Variants in TBX6 observed in about 807,000 individuals in gnomAD.
TBX6 encodes T-box transcription factor TBX6.
In TBX6, 29 loss-of-function variants were observed where a neutral mutation model predicts 42.3. The ratio of observed to expected loss-of-function variants is 0.69; its 90% CI spans 0.51 to 0.93. The LOEUF is 0.93. Ranked by LOEUF, TBX6 falls within the 40% of genes least tolerant of loss-of-function variation. The pLI, the probability that TBX6 is intolerant of heterozygous loss-of-function variation, is 0.00. For synonymous variants in TBX6, 249 were observed against 245.1 expected (o/e 1.02, Z -0.15); for missense variants, 569 against 603.3 (o/e 0.94, Z 0.59).
In TBX6 at chr16:30,091,077, G is replaced by A; in HGVS notation, c.117C>T (p.Pro39=). ...CCAGGAGCTGGTCCCAACGCTCACC[G>A]GGGTAGCGGTAGCCCTCCGCTAGGG... ...PPALAEGYRY[P]ELDTPKLDCF... is the part of the protein sequence containing the mutation. The change falls in exon 2 of 9, where the codon CCC becomes CCT. Residue 39 remains proline (P), a splice_region_variant and synonymous_variant. Coordinates refer to ENST00000395224, the MANE Select transcript of TBX6 (RefSeq NM_004608.4). 1.3e-6 allele frequency: 2 copies of A among 1,584,422 alleles called. No individual in the cohort carries two copies. The highest frequency in any genetic ancestry group is 1.7e-6 in the Non-Finnish European group (2 of 1,165,616).
At position 30,085,924 on chromosome 16, in the gene TBX6, C is replaced by T. The variant is rs1030550597; in HGVS notation, c.*301G>A. 3 of 409,472 alleles carry T rather than the reference C, an allele frequency of 7.3e-6. No homozygotes were observed. The highest frequency in any genetic ancestry group is 6.4e-5 in the African/African-American group (3 of 47,004). 25.4% of individuals were successfully genotyped at this position (409,472 alleles called of 1,614,324 possible). ...AGCCCCTCCAGAGCCCATGGGGAGGCCTGGTAAGTGGGGATGCTGGTCTGT... is the reference window on the plus strand; with the variant it reads ...AGCCCCTCCAGAGCCCATGGGGAGGTCTGGTAAGTGGGGATGCTGGTCTGT... On this transcript the variant is annotated 3_prime_UTR_variant, in exon 9 of 9. Coordinates refer to ENST00000395224, the MANE Select transcript of TBX6 (RefSeq NM_004608.4).
intron 6 of TBX6, among the ~76,000 whole-genome samples, chr16:30,087,651 CTGACTCTTAG>C (rs1030043262): frequency 1.3e-5 from 2 of 152,176 alleles, no homozygotes; most frequent in Non-Finnish European, 2.9e-5. Context: ...CCTCCCCTGC[CTGACTCTTAG>C]TCACTCCACT....
In TBX6 at chr16:30,090,773, A is replaced by G. The variant is rs1171008365; in HGVS notation, c.338T>C (p.Ile113Thr). Reference sequence around the variant, plus strand: ...AGCCCCTCACCTCCCAGCTTTGGTGATGATCATTTCTGTTCCCACAGAGCT... The same window carrying G: ...AGCCCCTCACCTCCCAGCTTTGGTGGTGATCATTTCTGTTCCCACAGAGCT... Reference protein sequence around the residue: ...EFSSVGTEMIITKAGRRMFPA... With the variant: ...EFSSVGTEMITTKAGRRMFPA... The change falls in exon 3 of 9, where the codon ATC (isoleucine) becomes ACC (threonine). Residue 113 changes from isoleucine (I) to threonine (T), a missense_variant. Physicochemically the swap from Ile to Thr is moderately conservative, Grantham distance 89. This residue lies in a region of TBX6 where 190 missense variants were observed against 250.6 expected (regional missense o/e 0.76). Transcript: ENST00000395224. The G allele has an allele frequency of 1.2e-6, 2 of 1,609,098 alleles. No homozygotes were observed. The highest frequency in any genetic ancestry group is 2.7e-5 in the African/African-American group (2 of 74,760).
intron 3 of TBX6, among the ~76,000 whole-genome samples, chr16:30,090,533 T>G (rs2072704816): frequency 6.6e-6 from 1 of 151,944 alleles, no homozygotes; most frequent in African/African-American, 2.4e-5. Context: ...CATAGATTGG[T>G]CCCTAAACTC....
intron 1 of TBX6, 164 bp downstream of exon 1, chr16:30,091,709 G>A (rs1198220689): frequency 6.1e-6 from 1 of 162,826 alleles, no homozygotes; most frequent in Non-Finnish European, 1.4e-5. Context: ...AGCGTGAACA[G>A]AGGGAAAGTG....
chr16:30,088,841 TGGGA>T lies in TBX6; in HGVS notation c.622-6_622-3del, dbSNP rs1567341561. The T allele has an allele frequency of 1.9e-6, 3 of 1,613,418 alleles. No individual in the cohort carries two copies. The Admixed American group carries it at 5.0e-5, about 27-fold the overall frequency. On this transcript the variant is annotated splice_region_variant and splice_polypyrimidine_tract_variant and intron_variant, in intron 4 of 8. Coordinates refer to ENST00000395224, the MANE Select transcript of TBX6 (RefSeq NM_004608.4). The surrounding 1 kb of genome is among the most constrained non-coding windows in gnomAD (Gnocchi z 4.1). ...CTTGTGCATGGAGTGCAGGATCAGC[TGGGA>T]GGGAGGAAATGGGAGTGATTCCCTG...
At position 30,085,957 on chromosome 16, in the gene TBX6, T is replaced by G; in HGVS notation, c.*268A>C. On this transcript the variant is annotated 3_prime_UTR_variant, in exon 9 of 9. Transcript: ENST00000395224. The stretch of plus-strand genomic sequence containing the variant: ...GTGGGGATGCTGGTCTGTGGCCCCA[T>G]TTGGCCAGGCAGAGCCCCTTCCATT... 2.2e-6 allele frequency: 1 copy of G among 464,768 alleles called. No homozygotes were observed. Among genetic ancestry groups the G allele is most frequent in the Non-Finnish European group, 3.8e-6 (1 of 262,094 alleles). 28.8% of individuals were successfully genotyped at this position (464,768 alleles called of 1,614,324 possible).
At position 30,091,069 on chromosome 16, in the gene TBX6, C is replaced by T. The variant is rs1340052836; in HGVS notation, c.118+7G>A. 5 of 1,585,278 alleles carry T rather than the reference C, an allele frequency of 3.2e-6. No individual in the cohort carries two copies. In the African/African-American group the frequency reaches 4.0e-5, roughly 13 times the overall value. ...TCTCCTACCCAGGAGCTGGTCCCAA[C>T]GCTCACCGGGGTAGCGGTAGCCCTC... On this transcript the variant is annotated splice_region_variant and intron_variant, in intron 2 of 8. Coordinates refer to ENST00000395224, the MANE Select transcript of TBX6 (RefSeq NM_004608.4).
intron 6 of TBX6, among the ~76,000 whole-genome samples, chr16:30,087,293 A>G (rs1248918451): frequency 6.6e-6 from 1 of 152,068 alleles, no homozygotes; most frequent in Non-Finnish European, 1.5e-5. Context: ...GCACAGTCAC[A>G]GGTCACAGCT....
intron 3 of TBX6, 131 bp from the exon 4 acceptor site, chr16:30,089,341 A>C: frequency 8.2e-7 from 1 of 1,224,218 alleles, no homozygotes; most frequent in Non-Finnish European, 1.1e-6. Context: ...TGGAATTAGA[A>C]CCCAGAGGGC....
chr16:30,091,550 G>C (rs1367043355), intron 1 of TBX6: 3 of 213,520 alleles, frequency 1.4e-5, no homozygotes, highest in African/African-American at 4.7e-5. Flanking sequence ...TCCCACGGTG[G>C]GGAGCCCCGG....
rs570050729 is a variant in TBX6, at chr16:30,085,838, C to G, written c.*387G>C. 8.7e-6 allele frequency: 2 copies of G among 229,754 alleles called. No individual in the cohort carries two copies. Among genetic ancestry groups the G allele is most frequent in the Non-Finnish European group, 1.7e-5 (2 of 117,876 alleles). 14.2% of individuals were successfully genotyped at this position (229,754 alleles called of 1,614,324 possible). Reference sequence around the variant, plus strand: ...TTTGAGTTTTATTAACAAAAATACTCTGGTCCCAGAACAACAGACTGGTGT... The same window carrying G: ...TTTGAGTTTTATTAACAAAAATACTGTGGTCCCAGAACAACAGACTGGTGT... On this transcript the variant is annotated 3_prime_UTR_variant, in exon 9 of 9. Transcript: ENST00000395224.
intron 6 of TBX6, among the ~76,000 whole-genome samples, chr16:30,087,729 C>T (rs779584352): frequency 3.9e-5 from 6 of 152,118 alleles, no homozygotes; most frequent in Non-Finnish European, 5.9e-5. Flanking sequence ...TGTTCCCACT[C>T]CCTAGTGTGC....
chr16:30,089,044 T>C lies in TBX6; in HGVS notation c.520A>G (p.Ile174Val). The C allele has an allele frequency of 3.1e-6, 5 of 1,613,764 alleles. No homozygotes were observed. Among genetic ancestry groups the C allele is most frequent in the Non-Finnish European group, 4.2e-6 (5 of 1,179,958 alleles). Residue 174 changes from isoleucine to valine, a missense_variant, in exon 4 of 9, where the codon ATT (isoleucine) becomes GTT (valine). Physicochemically the swap from Ile to Val is conservative, Grantham distance 29 (BLOSUM62 3). Transcript: ENST00000395224. ...AEPRLPDRVY[I>V]HPDSPATGAH... ...CCAGTGGCAGGAGAGTCGGGGTGAA[T>C]GTAGACACGGTCAGGCAGGCGGGGC...
rs750802370 is a variant in TBX6, at chr16:30,091,233, C to T, written c.-40G>A. ...TGGCCTCAGGTCTCGCTGCTTAGGGCCCCCGGTGCTGCGAGATGCCCCCTT... is the reference window on the plus strand; with the variant it reads ...TGGCCTCAGGTCTCGCTGCTTAGGGTCCCCGGTGCTGCGAGATGCCCCCTT... On this transcript the variant is annotated 5_prime_UTR_variant, in exon 2 of 9. Coordinates refer to ENST00000395224, the MANE Select transcript of TBX6 (RefSeq NM_004608.4). 29 of 1,452,502 alleles carry T rather than the reference C, an allele frequency of 2.0e-5. No homozygotes were observed. The highest frequency in any genetic ancestry group is 8.4e-5 in the African/African-American group (6 of 71,308). The allele number at this position is 1,452,502 out of a possible 1,614,324, so 90.0% of individuals were successfully genotyped here.
In TBX6 at chr16:30,088,759, C is replaced by A. The variant is rs560756058; in HGVS notation, c.702G>T (p.Gly234=). ...CGGGGAAGCGGAAGGAGGCCATGCC[C>A]CCCCAGTGCTGGCTGCAGAGCTGGG... ...RAAQLCSQHW[G]GMASFRFPET... is the part of the protein sequence containing the mutation. The change falls in exon 5 of 9, where the codon GGG becomes GGT. Residue 234 remains glycine (G), a synonymous_variant. Transcript: ENST00000395224. The surrounding 1 kb of genome is among the most constrained non-coding windows in gnomAD (Gnocchi z 4.1). 2 of 1,614,038 alleles carry A rather than the reference C, an allele frequency of 1.2e-6. No individual in the cohort carries two copies. Among genetic ancestry groups the A allele is most frequent in the African/African-American group, 1.3e-5 (1 of 75,030 alleles).
chr16:30,090,868 A>G lies in TBX6; in HGVS notation c.243T>C (p.Ala81=). The change falls in exon 3 of 9, where the codon GCT becomes GCC. Residue 81 remains alanine, a synonymous_variant. Transcript: ENST00000395224. ...CCGGGAGGGAATGGAGGGCCTCTGG[A>G]GCTGATGGGGCCGGCTCAGTGCCCA... ...PAMGTEPAPS[A]PEALHSLPGV... is the part of the protein sequence containing the mutation. 6.2e-7 allele frequency: 1 copy of G among 1,606,560 alleles called. No homozygotes were observed. Among genetic ancestry groups the G allele is most frequent in the Non-Finnish European group, 8.5e-7 (1 of 1,175,766 alleles).
chr16:30,088,421 G>A lies in TBX6; in HGVS notation c.839+124C>T, dbSNP rs140922357. ...AGCAGGTACTATATAAGTATTTGCT[G>A]AGTCAGTGAATGAATGTTTTCACTT... On this transcript the variant is annotated intron_variant, in intron 6 of 8. Transcript: ENST00000395224. This position sits in a 1 kb window ranked among gnomAD's most constrained non-coding sequence, Gnocchi z 4.1. The A allele has an allele frequency of 8.3e-6, 11 of 1,324,184 alleles. No homozygotes were observed. The highest frequency in any genetic ancestry group is 1.8e-4 in the Middle Eastern group (1 of 5,546). 82.0% of individuals were successfully genotyped at this position (1,324,184 alleles called of 1,614,324 possible).
chr16:30,090,741 C>A lies in TBX6; in HGVS notation c.353+17G>T. On this transcript the variant is annotated intron_variant, in intron 3 of 8. Coordinates refer to ENST00000395224, the MANE Select transcript of TBX6 (RefSeq NM_004608.4). ...AGAGACCCCCACCAGAAACACGGAC[C>A]CTGGCCAGCCCCTCACCTCCCAGCT... 1 of 1,608,252 alleles carries A rather than the reference C, an allele frequency of 6.2e-7. No homozygotes were observed. Among genetic ancestry groups the A allele is most frequent in the South Asian group, 1.1e-5 (1 of 90,206 alleles).
Sources: gnomAD v4.1 joint callset for allele counts (sites outside exome capture counted in the v4.1 genomes callset) on GRCh38, gnomAD v4.1.1 for gene constraint, gnomAD v4.1.1 regional missense constraint, Gnocchi (gnomAD v3.1) non-coding constraint, MANE v1.5 for transcripts, NCBI Gene and HGNC (gene_info 2026-07-23, HGNC 2026-07-21) for gene names.